The following SGCD variants were observed in gnomAD, a reference collection of about 807,000 sequenced individuals.
SGCD encodes delta-sarcoglycan.
SGCD carries 18 observed loss-of-function variants against 36.6 expected under a neutral mutation model. That is an observed-to-expected ratio of 0.49 (90% confidence interval 0.34 to 0.73). SGCD has a LOEUF of 0.73. Among genes scored for constraint, SGCD ranks in the 30% least tolerant of loss-of-function variants. The probability of loss-of-function intolerance (pLI) is 0.01; values close to 1 mark genes in which losing one functional copy is unlikely to be tolerated. For synonymous variants in SGCD, 133 were observed against 130.6 expected (o/e 1.02, Z -0.12); for missense variants, 387 against 346.7 (o/e 1.12, Z -0.92).
chr5:155,841,787 C>T, the SGCD span, among the ~76,000 whole-genome samples: 9 of 151,960 alleles, frequency 5.9e-5, no homozygotes, highest in East Asian at 7.7e-4. Context: ...ATGTGACTAC[C>T]GTTTCCTCCC....
At chr5:156,510,469 G>C (rs948359338) in intron 4 of SGCD, among the ~76,000 whole-genome samples, 2 of 152,116 alleles carry the variant, frequency 1.3e-5, no homozygotes, top group Admixed American at 6.5e-5. Context: ...CCTATTTCTA[G>C]TTGAACTTTA....
chr5:156,587,789 C>T (rs999751733), intron 4 of SGCD, among the ~76,000 whole-genome samples: 8 of 152,116 alleles, frequency 5.3e-5, no homozygotes, highest in Non-Finnish European at 1.0e-4. Context: ...TCCTGCTCCA[C>T]AGCCCCAAAC....
intron 3 of SGCD, among the ~76,000 whole-genome samples, chr5:156,152,491 C>T (rs78610542): frequency 0.015 from 2,215 of 151,610 alleles, 31 homozygotes; most frequent in Non-Finnish European, 0.024. Context: ...CAAATTGAGA[C>T]GTGCTCTAAG....
intron 7 of SGCD, among the ~76,000 whole-genome samples, chr5:156,700,925 G>A (rs187934242): frequency 1.4e-4 from 19 of 137,908 alleles, no homozygotes; most frequent in Middle Eastern, 3.6e-3. Flanking sequence ...CCTGGGCAAT[G>A]GAGTGAGACC....
intron 2 of SGCD, among the ~76,000 whole-genome samples, chr5:156,339,550 T>G (rs1768535694): frequency 6.6e-6 from 1 of 152,196 alleles, no homozygotes; most frequent in Non-Finnish European, 1.5e-5. Flanking sequence ...ACAAATGTTT[T>G]GCTAAAAAAT....
the SGCD span, among the ~76,000 whole-genome samples, chr5:155,732,007 TAAAAG>T: frequency 5.3e-5 from 8 of 152,228 alleles, no homozygotes; most frequent in African/African-American, 1.7e-4. Flanking sequence ...TTTCTCTTGA[TAAAAG>T]GAGAAGCCCA....
At chr5:156,434,150 G>T (rs762364750) in intron 3 of SGCD, among the ~76,000 whole-genome samples, 1 of 152,238 alleles carries the variant, frequency 6.6e-6, no homozygotes, top group African/African-American at 2.4e-5. Flanking sequence ...TCTCTAGCTG[G>T]CTAATACCAG....
intron 3 of SGCD, among the ~76,000 whole-genome samples, chr5:156,442,454 G>A (rs772876842): frequency 2.8e-4 from 43 of 152,178 alleles, no homozygotes; most frequent in Non-Finnish European, 5.6e-4. Flanking sequence ...AATTCTGTTG[G>A]TGGTTGTTAA....
At chr5:156,512,191 C>CAAAAAAAAA (rs759345867) in intron 4 of SGCD, among the ~76,000 whole-genome samples, 2 of 66,876 alleles carry the variant, frequency 3.0e-5, no homozygotes, top group Non-Finnish European at 2.8e-5. Context: ...GACTCTGTCT[C>CAAAAAAAAA]AAAAAAAAAA....
chr5:155,967,817 C>T (rs1425280955), intron 1 of SGCD, among the ~76,000 whole-genome samples: 2 of 152,020 alleles, frequency 1.3e-5, no homozygotes, highest in African/African-American at 4.8e-5. Context: ...GATAGTGTGG[C>T]GCTCCTGGAA....
chr5:156,418,935 T>C (rs532328751), intron 3 of SGCD, among the ~76,000 whole-genome samples: 1 of 152,320 alleles, frequency 6.6e-6, no homozygotes, highest in Non-Finnish European at 1.5e-5. Context: ...TTTTATTCTT[T>C]TATATTTGTT....
chr5:156,721,766 G>A (rs1755520628), intron 7 of SGCD, among the ~76,000 whole-genome samples: 1 of 152,214 alleles, frequency 6.6e-6, no homozygotes, highest in Non-Finnish European at 1.5e-5. Context: ...GAGAGTCCAT[G>A]TAGAGCAACA....
intron 1 of SGCD, among the ~76,000 whole-genome samples, chr5:155,933,469 T>C (rs1757136654): frequency 6.6e-6 from 1 of 152,248 alleles, no homozygotes; most frequent in Admixed American, 6.5e-5. Flanking sequence ...GAGTATCTTG[T>C]CTTTCTTCAC....
the SGCD span, among the ~76,000 whole-genome samples, chr5:155,840,128 AC>A: frequency 6.6e-6 from 1 of 151,416 alleles, no homozygotes; most frequent in African/African-American, 2.4e-5. Flanking sequence ...ATAATCCAAT[AC>A]CGTATTATGT....
At chr5:155,875,430 A>T (rs952867983) in intron 1 of SGCD, among the ~76,000 whole-genome samples, 11 of 152,160 alleles carry the variant, frequency 7.2e-5, no homozygotes, top group Non-Finnish European at 1.3e-4. Flanking sequence ...TAATAATAGC[A>T]TAAATGAAGA....
At chr5:156,512,222 T>C (rs1397020167) in intron 4 of SGCD, among the ~76,000 whole-genome samples, 1 of 148,598 alleles carries the variant, frequency 6.7e-6, no homozygotes, top group Non-Finnish European at 1.5e-5. Flanking sequence ...AAGGAACAAT[T>C]GACTGTTTTA....
At chr5:156,368,717 G>A (rs1231013806) in intron 3 of SGCD, among the ~76,000 whole-genome samples, 2 of 152,128 alleles carry the variant, frequency 1.3e-5, no homozygotes, top group East Asian at 1.9e-4. Flanking sequence ...ACCCTGTTGT[G>A]AACTGCACAC....
At chr5:156,345,796 A>T (rs181447312) in intron 3 of SGCD, among the ~76,000 whole-genome samples, 1 of 152,180 alleles carries the variant, frequency 6.6e-6, no homozygotes, top group African/African-American at 2.4e-5. Context: ...TCATGTGACA[A>T]TCCCAAATAT....
rs1481159925 is a variant in SGCD, at chr5:156,423,417, TA to T, written c.192+78741del. Reference sequence around the variant, plus strand: ...TATATTTTATTATAATATAATATATTATATTTTAATAAAATATAATATATTT... The same window carrying T: ...TATATTTTATTATAATATAATATATTTATTTTAATAAAATATAATATATTT... On this transcript the variant is annotated intron_variant, in intron 3 of 8. Transcript: ENST00000337851. 1.1e-4 allele frequency among the ~76,000 whole-genome samples: 11 copies of T among 98,354 alleles called. No individual in the cohort carries two copies. The South Asian group carries it at 1.3e-3, about 11-fold the overall frequency. The allele number at this position is 98,354 out of a possible 152,430, so 64.5% of individuals were successfully genotyped here. A position where few individuals can be genotyped will look rare whatever the true frequency, so the allele number is the denominator to read the frequency against.
Sources: gnomAD v4.1 joint callset for allele counts (sites outside exome capture counted in the v4.1 genomes callset) on GRCh38, gnomAD v4.1.1 for gene constraint, MANE v1.5 for transcripts, NCBI Gene and HGNC (gene_info 2026-07-23, HGNC 2026-07-21) for gene names.